Variants in WDR1 observed in about 807,000 individuals in gnomAD.
WDR1 encodes WD repeat domain 1.
Under a neutral mutation model 71.9 loss-of-function variants are expected in WDR1, and 21 were observed. The ratio of observed to expected loss-of-function variants is 0.29; its 90% confidence interval spans 0.21 to 0.42. The LOEUF (loss-of-function observed/expected upper bound fraction) is 0.42, where lower values mean the gene tolerates loss of function less well. Ranked by LOEUF, WDR1 falls within the 10% of genes least tolerant of loss-of-function variation. The pLI is 1.00. For synonymous variants in WDR1, 424 were observed against 347.4 expected (o/e 1.22, Z -2.45); for missense variants, 696 against 824.5 (o/e 0.84, Z 1.91).
chr4:10,099,243 C>T (rs1196912435), intron 3 of WDR1, 104 bp from the exon 4 acceptor site: 11 of 901,556 alleles, frequency 1.2e-5, no homozygotes, highest in Non-Finnish European at 1.9e-5. Context: ...GGCCATAGGC[C>T]CACTCAGAAC....
rs563898424 is a variant in WDR1 at position 10,085,672 on chromosome 4, C to G, written c.952-1142G>C. On this transcript the variant is annotated intron_variant, in intron 8 of 14. Transcript: ENST00000499869. ...CCATGCCCAGATGCCCACGGGTGTTCCTTCTGGAGGCCTGCAAGCTCCTGC... is the reference window on the plus strand; with the variant it reads ...CCATGCCCAGATGCCCACGGGTGTTGCTTCTGGAGGCCTGCAAGCTCCTGC... 6.6e-5 allele frequency among the ~76,000 whole-genome samples: 10 copies of G among 152,362 alleles called. No homozygotes were observed. The East Asian group carries it at 1.7e-3, about 26-fold the overall frequency.
intron 4 of WDR1, 44 bp from the exon 5 acceptor site, chr4:10,097,935 A>T: frequency 6.9e-7 from 1 of 1,458,828 alleles, no homozygotes; most frequent in Non-Finnish European, 9.2e-7. Flanking sequence ...AAAAAAAAAA[A>T]ATCAATCCCA....
chr4:10,100,637 G>A (rs913023480), intron 3 of WDR1, among the ~76,000 whole-genome samples: 1 of 152,198 alleles, frequency 6.6e-6, no homozygotes, highest in Admixed American at 6.5e-5. Flanking sequence ...CACTAACTAA[G>A]GGGAGTCCCA....
intron 5 of WDR1, among the ~76,000 whole-genome samples, chr4:10,097,479 G>A (rs1712413724): frequency 1.3e-5 from 2 of 152,208 alleles, no homozygotes; most frequent in South Asian, 2.1e-4. Context: ...CATCATCCTA[G>A]GGCAGGGCCC....
At chr4:10,104,027 A>G in intron 2 of WDR1, 41 bp from the exon 3 acceptor site, 3 of 1,553,658 alleles carry the variant, frequency 1.9e-6, no homozygotes, top group Non-Finnish European at 2.6e-6. Flanking sequence ...GGAATGGAGA[A>G]GCAGTCAAGC....
At chr4:10,088,407 G>A in intron 6 of WDR1, 34 bp from the exon 7 acceptor site, 1 of 1,537,528 alleles carries the variant, frequency 6.5e-7, no homozygotes, top group Non-Finnish European at 8.8e-7. Context: ...GGTCATGTGT[G>A]TGTGAACACC....
intron 11 of WDR1, among the ~76,000 whole-genome samples, chr4:10,080,367 C>G (rs1312454770): frequency 6.6e-6 from 1 of 151,886 alleles, no homozygotes; most frequent in Admixed American, 6.6e-5. Context: ...CACCTGCCAG[C>G]CTTCTAGAAC....
chr4:10,077,980 C>G, intron 12 of WDR1, 54 bp from the exon 13 acceptor site: 1 of 1,509,682 alleles, frequency 6.6e-7, no homozygotes, highest in Non-Finnish European at 8.9e-7. Context: ...ACACCACACC[C>G]ATCCTTTGTG....
chr4:10,088,651 T>A lies in WDR1; in HGVS notation c.636+13A>T. The A allele has an allele frequency of 6.3e-7, 1 of 1,595,236 alleles. No homozygotes were observed. Among genetic ancestry groups the A allele is most frequent in the Non-Finnish European group, 8.5e-7 (1 of 1,169,686 alleles). On this transcript the variant is annotated intron_variant, in intron 6 of 14. Coordinates refer to ENST00000499869, the MANE Select transcript of WDR1 (RefSeq NM_017491.5). ...AAGCCATTCCCCACCCCAAAACCCA[T>A]CCCAGTTCTTACCTGGCCGTCAGCA...
At chr4:10,105,117 A>T (rs756160206) in intron 2 of WDR1, among the ~76,000 whole-genome samples, 1 of 152,172 alleles carries the variant, frequency 6.6e-6, no homozygotes, top group Non-Finnish European at 1.5e-5. Flanking sequence ...CTCACCCATC[A>T]GGCCTAACGG....
chr4:10,096,494 T>C (rs1047056059), intron 5 of WDR1: 1 of 152,252 alleles, frequency 6.6e-6, no homozygotes, highest in South Asian at 2.1e-4. Flanking sequence ...AGCCTCCCTA[T>C]GCTTTCACCT....
chr4:10,099,792 G>A (rs1188540519), intron 3 of WDR1, among the ~76,000 whole-genome samples: 4 of 152,378 alleles, frequency 2.6e-5, no homozygotes, highest in South Asian at 2.1e-4. Flanking sequence ...GTTCCACGAC[G>A]CACAGGAATC....
chr4:10,096,775 G>A (rs1256497395), intron 5 of WDR1, among the ~76,000 whole-genome samples: 1 of 138,320 alleles, frequency 7.2e-6, no homozygotes, highest in East Asian at 2.1e-4. Flanking sequence ...GAGGCAGACA[G>A]TGAAACCACT....
chr4:10,100,947 A>C (rs1712646984), intron 3 of WDR1, among the ~76,000 whole-genome samples: 1 of 152,234 alleles, frequency 6.6e-6, no homozygotes, highest in South Asian at 2.1e-4. Flanking sequence ...TCCAGGGCCC[A>C]TGCTGCCCCA....
chr4:10,095,582 G>A (rs1712290512), intron 5 of WDR1, among the ~76,000 whole-genome samples: 1 of 152,190 alleles, frequency 6.6e-6, no homozygotes, highest in Non-Finnish European at 1.5e-5. Flanking sequence ...GGGGTCCGGA[G>A]GGCTTAAGTG....
intron 8 of WDR1, among the ~76,000 whole-genome samples, chr4:10,085,716 T>C (rs1029447013): frequency 8.5e-5 from 13 of 152,328 alleles, no homozygotes; most frequent in African/African-American, 2.4e-5. Context: ...GACTTCCCTG[T>C]AAACTTAGTG....
intron 5 of WDR1, among the ~76,000 whole-genome samples, chr4:10,091,044 G>GC (rs879884593): frequency 5.9e-5 from 9 of 152,204 alleles, no homozygotes; most frequent in African/African-American, 1.7e-4. Context: ...CCCTTTGCCT[G>GC]CCCCCCGCAC....
intron 9 of WDR1, chr4:10,083,482 C>A: frequency 1.9e-6 from 1 of 530,642 alleles, no homozygotes; most frequent in Non-Finnish European, 3.6e-6. Flanking sequence ...ATCGGGTAGG[C>A]GCAACCCTCT....
intron 2 of WDR1, among the ~76,000 whole-genome samples, chr4:10,110,564 C>G (rs777639525): frequency 1.6e-4 from 25 of 152,186 alleles, no homozygotes; most frequent in Non-Finnish European, 3.4e-4. Flanking sequence ...TGTCTCAACG[C>G]TCCTCCTGGA....
Sources: allele counts gnomAD v4.1 joint callset (sites outside exome capture counted in the v4.1 genomes callset), GRCh38; gene constraint gnomAD v4.1.1; transcripts MANE v1.5; gene names NCBI Gene and HGNC (gene_info 2026-07-23, HGNC 2026-07-21).